SNTG2: variants seen among roughly 807,000 people sequenced by gnomAD.
SNTG2 encodes gamma-2-syntrophin.
Under a neutral mutation model 70.9 loss-of-function variants are expected in SNTG2, and 74 were observed. The observed-to-expected ratio is 1.04, with a 90% CI of 0.86 to 1.27. The LOEUF (loss-of-function observed/expected upper bound fraction) is 1.27, where lower values mean the gene tolerates loss of function less well. Among genes scored for constraint, SNTG2 ranks in the 50% most tolerant of loss-of-function variants. The probability of loss-of-function intolerance (pLI) is 0.00; values close to 1 mark genes in which losing one functional copy is unlikely to be tolerated. For synonymous variants in SNTG2, 278 were observed against 273.8 expected (o/e 1.02, Z -0.15); for missense variants, 717 against 690.7 (o/e 1.04, Z -0.43).
rs58625598 is a variant in SNTG2 at position 1,027,442 on chromosome 2, A to G, written c.73-56076A>G. On this transcript the variant is annotated intron_variant, in intron 1 of 16. Transcript: ENST00000308624. The stretch of plus-strand genomic sequence containing the variant: ...AAGCAGGTGCGTCTGACCCACAGAC[A>G]CTACCCAGCAAGTAACTCATGCATC... Among the ~76,000 whole-genome samples the G allele has an allele frequency of 6.4e-3, 944 of 147,078 alleles. 4 individuals are homozygous for G. The highest frequency in any genetic ancestry group is 0.022 in the African/African-American group (876 of 39,074).
intron 1 of SNTG2, among the ~76,000 whole-genome samples, chr2:981,012 T>TAGAGCC (rs900032284): frequency 1.3e-5 from 2 of 152,170 alleles, no homozygotes; most frequent in African/African-American, 4.8e-5. Context: ...AGCCCAAGGT[T>TAGAGCC]AGAGCTGGTG....
intron 1 of SNTG2, among the ~76,000 whole-genome samples, chr2:1,029,045 G>C (rs1052985053): frequency 1.3e-5 from 2 of 152,074 alleles, no homozygotes; most frequent in Non-Finnish European, 2.9e-5. Context: ...GGATCGGGAG[G>C]GGCTCCGGCG....
intron 7 of SNTG2, 96 bp from the exon 8 acceptor site, chr2:1,172,996 A>C (rs1188065715): frequency 1.5e-5 from 17 of 1,122,258 alleles, no homozygotes; most frequent in Non-Finnish European, 2.2e-5. Context: ...GGTGCTGGTA[A>C]CTTCCCATGC....
chr2:987,869 C>T (rs897374417), intron 1 of SNTG2, among the ~76,000 whole-genome samples: 1 of 152,098 alleles, frequency 6.6e-6, no homozygotes, highest in Non-Finnish European at 1.5e-5. Context: ...GGCCGCGCAG[C>T]CTTGCCCATC....
intron 9 of SNTG2, among the ~76,000 whole-genome samples, chr2:1,235,021 G>C (rs1453645939): frequency 6.6e-6 from 1 of 152,242 alleles, no homozygotes; most frequent in Non-Finnish European, 1.5e-5. Flanking sequence ...GTACATGTGA[G>C]CTGGAGCCAA....
chr2:1,161,479 C>A (rs1030686826), intron 6 of SNTG2: 2 of 152,234 alleles, frequency 1.3e-5, no homozygotes, highest in Admixed American at 6.5e-5. Context: ...CTGAAGGAGG[C>A]TGCCCCCTAG....
Position 1,277,208 on chromosome 2 carries a change from C to T in SNTG2, c.1284+9637C>T, listed in dbSNP as rs1489415518. On this transcript the variant is annotated intron_variant, in intron 14 of 16. Transcript: ENST00000308624. ...AGCTTCAATTTTGAAAGAAGTTCTA[C>T]CATGGATAAAATTCTATCAAACAGC... Among the ~76,000 whole-genome samples, 4 of 152,282 alleles carry T rather than the reference C, an allele frequency of 2.6e-5. No individual in the cohort carries two copies. The South Asian group carries it at 8.3e-4, about 32-fold the overall frequency.
At chr2:1,177,976 C>T (rs562040772) in intron 8 of SNTG2, among the ~76,000 whole-genome samples, 96 of 152,252 alleles carry the variant, frequency 6.3e-4, no homozygotes, top group African/African-American at 2.1e-3. Flanking sequence ...AAACACTTAT[C>T]ATTTTGTTGT....
chr2:1,290,692 A>G (rs981698240), intron 14 of SNTG2, among the ~76,000 whole-genome samples: 18 of 152,158 alleles, frequency 1.2e-4, no homozygotes, highest in African/African-American at 4.3e-4. Flanking sequence ...ATGGTGCTAA[A>G]TCATTAGAAA....
At chr2:967,014 C>G (rs1377264263) in intron 1 of SNTG2, among the ~76,000 whole-genome samples, 1 of 152,016 alleles carries the variant, frequency 6.6e-6, no homozygotes. Flanking sequence ...TTTTAAAAAG[C>G]TTCTGAAATG....
intron 8 of SNTG2, among the ~76,000 whole-genome samples, chr2:1,201,529 A>G (rs1271880369): frequency 6.6e-6 from 1 of 151,856 alleles, no homozygotes; most frequent in African/African-American, 2.4e-5. Flanking sequence ...TCTTCTAGGT[A>G]TTTTGAAATG....
chr2:972,973 G>A (rs1485952595), intron 1 of SNTG2, among the ~76,000 whole-genome samples: 1 of 152,156 alleles, frequency 6.6e-6, no homozygotes, highest in Non-Finnish European at 1.5e-5. Flanking sequence ...CTATGTGACA[G>A]TATACCATTT....
chr2:1,172,937 GA>G (rs1190691402), intron 7 of SNTG2, among the ~76,000 whole-genome samples, 154 bp from the exon 8 acceptor site: 1 of 152,198 alleles, frequency 6.6e-6, no homozygotes, highest in East Asian at 1.9e-4. Context: ...GCAGGAAAGT[GA>G]GAGGCCATTG....
intron 1 of SNTG2, among the ~76,000 whole-genome samples, chr2:1,005,187 G>A (rs1659527534): frequency 6.6e-6 from 1 of 152,162 alleles, no homozygotes; most frequent in Non-Finnish European, 1.5e-5. Context: ...GGGTGAACAG[G>A]TGGAGCACCG....
At chr2:1,307,500 G>A (rs1184797148) in intron 14 of SNTG2, among the ~76,000 whole-genome samples, 1 of 151,584 alleles carries the variant, frequency 6.6e-6, no homozygotes, top group East Asian at 1.9e-4. Flanking sequence ...AAGAGAGAGA[G>A]TGTAGGCATC....
At chr2:952,348 T>C (rs991459770) in intron 1 of SNTG2, among the ~76,000 whole-genome samples, 3 of 152,218 alleles carry the variant, frequency 2.0e-5, no homozygotes, top group Admixed American at 6.5e-5. Context: ...TGCATTTTTC[T>C]CCAGACATTC....
chr2:1,001,197 AG>A (rs774096286), intron 1 of SNTG2, among the ~76,000 whole-genome samples: 1 of 152,018 alleles, frequency 6.6e-6, no homozygotes, highest in Non-Finnish European at 1.5e-5. Flanking sequence ...CATGCTCCTA[AG>A]AGCTGGAACA....
chr2:1,366,885 C>T (rs567702651), intron 16 of SNTG2, among the ~76,000 whole-genome samples: 36 of 152,322 alleles, frequency 2.4e-4, no homozygotes, highest in Non-Finnish European at 3.1e-4. Flanking sequence ...ACAAAAGGCA[C>T]GGCGGCCTGA....
intron 1 of SNTG2, among the ~76,000 whole-genome samples, chr2:1,016,578 G>C (rs1172860642): frequency 9.2e-5 from 14 of 152,302 alleles, no homozygotes; most frequent in Admixed American, 6.5e-4. Flanking sequence ...CAGCCCTCAG[G>C]CTGGACTTTC....
Sources: allele counts gnomAD v4.1 joint callset (sites outside exome capture counted in the v4.1 genomes callset), GRCh38; gene constraint gnomAD v4.1.1; transcripts MANE v1.5; gene names NCBI Gene and HGNC (gene_info 2026-07-23, HGNC 2026-07-21).